The following LYRM4 variants were observed in gnomAD, a reference collection of about 807,000 sequenced individuals.
LYRM4 encodes the protein LYR motif-containing protein 4.
Under a neutral mutation model 11.7 loss-of-function variants are expected in LYRM4, and 9 were observed. That is an observed-to-expected ratio of 0.77 (90% confidence interval 0.46 to 1.34). The LOEUF is 1.34. Among genes scored for constraint, LYRM4 ranks in the 40% most tolerant of loss-of-function variants. LYRM4 has a pLI of 0.00. For synonymous variants in LYRM4, 42 were observed against 40.4 expected (o/e 1.04, Z -0.15); for missense variants, 133 against 112.5 (o/e 1.18, Z -0.82).
chr6:5,036,939 T>C, the LYRM4 span, among the ~76,000 whole-genome samples: 1 of 151,982 alleles, frequency 6.6e-6, no homozygotes, highest in Non-Finnish European at 1.5e-5. Context: ...CCCTTCAAAG[T>C]CCCCTGTTAT....
chr6:5,032,325 C>G, the LYRM4 span: 1 of 152,170 alleles, frequency 6.6e-6, no homozygotes, highest in Admixed American at 6.5e-5. Context: ...TGTATACAAA[C>G]TAGCAAATAA....
intron 2 of LYRM4, among the ~76,000 whole-genome samples, chr6:5,117,267 G>A (rs772234303): frequency 2.3e-4 from 35 of 152,286 alleles, no homozygotes; most frequent in African/African-American, 3.6e-4. Flanking sequence ...GTCAAGATGC[G>A]TATCATGGGC....
Position 5,144,367 on chromosome 6 carries a change from G to A in LYRM4, c.208-34876C>T, listed in dbSNP as rs1757580272. The A allele has an allele frequency of 3.8e-6, 5 of 1,320,662 alleles. No individual in the cohort carries two copies. The Admixed American group carries it at 1.0e-4, about 27-fold the overall frequency. 81.8% of individuals were successfully genotyped at this position (1,320,662 alleles called of 1,614,324 possible). The stretch of plus-strand genomic sequence containing the variant: ...AATATGTCAGGTGAGGCCGGGTGCG[G>A]TGGCTGAAGCCTGTAATTCCAGCAC... On this transcript the variant is annotated intron_variant, in intron 2 of 2. Coordinates refer to ENST00000330636, the MANE Select transcript of LYRM4 (RefSeq NM_020408.6).
At chr6:5,204,640 CT>C (rs1761586357) in intron 2 of LYRM4, among the ~76,000 whole-genome samples, 2 of 151,890 alleles carry the variant, frequency 1.3e-5, no homozygotes, top group African/African-American at 4.8e-5. Context: ...CTTTTTTTCC[CT>C]TTCCTCTCCT....
At chr6:5,085,342 G>T in the LYRM4 span, 1 of 612,690 alleles carries the variant, frequency 1.6e-6, no homozygotes, top group Non-Finnish European at 2.8e-6. Context: ...GTGGAACTAC[G>T]TTGTCTTGTC....
intron 2 of LYRM4, among the ~76,000 whole-genome samples, chr6:5,120,078 G>A (rs1462832991): frequency 1.3e-5 from 2 of 151,948 alleles, no homozygotes; most frequent in African/African-American, 2.4e-5. Flanking sequence ...TGTATTTTTA[G>A]TAGAGATGGG....
At position 5,152,163 on chromosome 6, in the gene LYRM4, T is replaced by C. The variant is rs115924894; in HGVS notation, c.208-42672A>G. Among the ~76,000 whole-genome samples the C allele has an allele frequency of 7.6e-3, 1,152 of 152,304 alleles. 14 individuals carry two copies. The highest frequency in any genetic ancestry group is 0.025 in the African/African-American group (1,037 of 41,568). ...GAGAAAAATCACTGACCCAACTTCA[T>C]TCTATAGATGAGGAGCAACATGACG... On this transcript the variant is annotated intron_variant, in intron 2 of 2. Coordinates refer to ENST00000330636, the MANE Select transcript of LYRM4 (RefSeq NM_020408.6).
chr6:5,163,476 T>C (rs1438663035), intron 2 of LYRM4, among the ~76,000 whole-genome samples: 1 of 151,802 alleles, frequency 6.6e-6, no homozygotes, highest in Non-Finnish European at 1.5e-5. Context: ...AGGCTTGGCA[T>C]CTGGTGGCAG....
the LYRM4 span, chr6:5,086,310 G>A: frequency 6.5e-6 from 10 of 1,535,716 alleles, no homozygotes; most frequent in Non-Finnish European, 7.8e-6. Context: ...TGGAGCCACA[G>A]CAGCCAGAGG....
intron 2 of LYRM4, among the ~76,000 whole-genome samples, chr6:5,137,997 G>A (rs1286140038): frequency 1.3e-5 from 2 of 152,186 alleles, no homozygotes; most frequent in Non-Finnish European, 2.9e-5. Context: ...AGTTCACTTT[G>A]CCTTTGGTCA....
downstream of LYRM4, among the ~76,000 whole-genome samples, chr6:5,102,321 G>C (rs1447371727): frequency 6.6e-6 from 1 of 152,126 alleles, no homozygotes; most frequent in Non-Finnish European, 1.5e-5. Context: ...AAGACTCTTA[G>C]CCTCAGCATT....
At chr6:5,062,750 C>A in the LYRM4 span, among the ~76,000 whole-genome samples, 5 of 152,206 alleles carry the variant, frequency 3.3e-5, no homozygotes, top group Non-Finnish European at 5.9e-5. Flanking sequence ...TAATTTACTT[C>A]TCTGTGCAAG....
chr6:5,249,121 T>C (rs751625825), intron 1 of LYRM4, among the ~76,000 whole-genome samples: 71 of 152,246 alleles, frequency 4.7e-4, no homozygotes, highest in Admixed American at 1.4e-3. Flanking sequence ...TTCATCTGTA[T>C]CTGCTGAAAT....
In LYRM4 at chr6:5,227,963, T is replaced by C. The variant is rs371006166; in HGVS notation, c.87-11225A>G. On this transcript the variant is annotated intron_variant, in intron 1 of 2. Coordinates refer to ENST00000330636, the MANE Select transcript of LYRM4 (RefSeq NM_020408.6). Reference sequence around the variant, plus strand: ...ACACATGGACACAGGGAGGGGAACATCACACACCAGGACCTGTTGCGGGGT... The same window carrying C: ...ACACATGGACACAGGGAGGGGAACACCACACACCAGGACCTGTTGCGGGGT... Among the ~76,000 whole-genome samples, 420 of 152,044 alleles carry C rather than the reference T, an allele frequency of 2.8e-3. 3 individuals carry two copies. Among genetic ancestry groups the C allele is most frequent in the African/African-American group, 9.1e-3 (376 of 41,448 alleles).
intron 2 of LYRM4, among the ~76,000 whole-genome samples, chr6:5,165,846 A>C (rs370979411): frequency 6.6e-5 from 10 of 152,270 alleles, no homozygotes; most frequent in Non-Finnish European, 1.5e-4. Flanking sequence ...CCCGGCCACA[A>C]ATGCAAGTTT....
the LYRM4 span, among the ~76,000 whole-genome samples, chr6:5,083,629 G>A: frequency 3.9e-5 from 6 of 152,186 alleles, no homozygotes. Context: ...CTATATGTAG[G>A]CAGGAATGAT....
At chr6:5,192,519 C>T (rs926293346) in intron 2 of LYRM4, among the ~76,000 whole-genome samples, 32 of 152,164 alleles carry the variant, frequency 2.1e-4, no homozygotes, top group Non-Finnish European at 4.3e-4. Context: ...AGGTCCTAAT[C>T]ACTACCATAG....
chr6:5,085,497 A>C, the LYRM4 span: 1 of 1,535,810 alleles, frequency 6.5e-7, no homozygotes, highest in Non-Finnish European at 8.7e-7. Context: ...TGGAGCCCAT[A>C]GGGGCGCGGC....
At chr6:5,231,703 A>G (rs1323635316) in intron 1 of LYRM4, among the ~76,000 whole-genome samples, 4 of 152,210 alleles carry the variant, frequency 2.6e-5, no homozygotes, top group Non-Finnish European at 5.9e-5. Flanking sequence ...ATCTGCTGGG[A>G]TGCCGTAAAC....
Sources: allele counts gnomAD v4.1 joint callset (sites outside exome capture counted in the v4.1 genomes callset), GRCh38; gene constraint gnomAD v4.1.1; transcripts MANE v1.5; gene names NCBI Gene and HGNC (gene_info 2026-07-23, HGNC 2026-07-21).